The following RIMBP2 variants were observed in gnomAD, a reference collection of about 807,000 sequenced individuals.
The protein encoded by RIMBP2 is RIMS-binding protein 2.
A neutral mutation model predicts 118.6 loss-of-function variants in RIMBP2; 48 were observed. The observed-to-expected ratio is 0.40, with a 90% CI of 0.32 to 0.51. The LOEUF is 0.51. RIMBP2 is among the 20% of genes least tolerant of loss of function. RIMBP2 has a pLI of 0.41. For synonymous variants in RIMBP2, 762 were observed against 742.9 expected, an observed-to-expected ratio of 1.03 and a Z score of -0.42; for missense variants, 1,551 against 1,768.3, an observed-to-expected ratio of 0.88 and a Z score of 2.20.
chr12:130,412,321 T>C (rs1041618136), intron 19 of RIMBP2, among the ~76,000 whole-genome samples: 16 of 152,150 alleles, frequency 1.1e-4, no homozygotes, highest in African/African-American at 3.9e-4. Flanking sequence ...CAGCTAATCA[T>C]GTGTTTTCTA....
In RIMBP2 at chr12:130,478,939, C is replaced by T. The variant is rs1218041406; in HGVS notation, c.75G>A (p.Lys25=). 1 of 1,613,784 alleles carries T rather than the reference C, an allele frequency of 6.2e-7. No individual in the cohort carries two copies. Among genetic ancestry groups the T allele is most frequent in the Non-Finnish European group, 8.5e-7 (1 of 1,179,912 alleles). The change falls in exon 5 of 23, where the codon AAG becomes AAA. Residue 25 remains lysine (K), a synonymous_variant. Transcript: ENST00000690449. ...TCTGCAGAAGGTCAATTTCCTGCTGCTTGGCACTGAGAACAGCCAGGGCCT... is the reference window on the plus strand; with the variant it reads ...TCTGCAGAAGGTCAATTTCCTGCTGTTTGGCACTGAGAACAGCCAGGGCCT... ...HDQALAVLSA[K]QQEIDLLQKA...
Position 130,397,115 on chromosome 12 carries a change from A to G in RIMBP2, c.*246T>C. 1 of 295,434 alleles carries G rather than the reference A, an allele frequency of 3.4e-6. No individual in the cohort carries two copies. The highest frequency in any genetic ancestry group is 6.2e-6 in the Non-Finnish European group (1 of 161,238). 18.3% of individuals were successfully genotyped at this position (295,434 alleles called of 1,614,324 possible). A position where few individuals can be genotyped will look rare whatever the true frequency, so the allele number is the denominator to read the frequency against. ...CTATGCGCCCCCGTTTGTTAATAAG[A>G]CGTCCCCTCCCACCTCCCAAATCAG... On this transcript the variant is annotated 3_prime_UTR_variant, in exon 23 of 23. Transcript: ENST00000690449.
At chr12:130,425,003 G>A (rs1198414642) in intron 15 of RIMBP2, 145 bp from the exon 16 acceptor site, 9 of 438,424 alleles carry the variant, frequency 2.1e-5, no homozygotes, top group South Asian at 1.3e-4. Flanking sequence ...CAGGCCGGGG[G>A]CATGCCGTGG....
chr12:130,559,813 G>A (rs1282719538), intron 2 of RIMBP2, among the ~76,000 whole-genome samples: 2 of 152,174 alleles, frequency 1.3e-5, no homozygotes, highest in African/African-American at 4.8e-5. Flanking sequence ...TTAGATCCCA[G>A]ATCTAGCACT....
chr12:130,631,121 AAG>A (rs1271899899), intron 1 of RIMBP2, among the ~76,000 whole-genome samples: 2 of 152,210 alleles, frequency 1.3e-5, no homozygotes, highest in Non-Finnish European at 2.9e-5. Context: ...ATCTAGAGAA[AAG>A]AGAGACTCAA....
At chr12:130,655,259 T>A (rs994980171) in intron 1 of RIMBP2, among the ~76,000 whole-genome samples, 1 of 152,240 alleles carries the variant, frequency 6.6e-6, no homozygotes, top group African/African-American at 2.4e-5. Context: ...ATTACTTCCC[T>A]GTTTTATTTT....
At position 130,442,927 on chromosome 12, in the gene RIMBP2, G is replaced by A. The variant is rs756596786; in HGVS notation, c.692-267C>T. On this transcript the variant is annotated intron_variant, in intron 10 of 22. Transcript: ENST00000690449. This position sits in a 1 kb window ranked among gnomAD's most constrained non-coding sequence, Gnocchi z 6.9. ...CCATCATGTTTGTGTATCCGTGTAC[G>A]TACACTGACTACCCCCTCCCAACAC... Among the ~76,000 whole-genome samples, 1 of 152,078 alleles carries A rather than the reference G, an allele frequency of 6.6e-6. No homozygotes were observed. Among genetic ancestry groups the A allele is most frequent in the African/African-American group, 2.4e-5 (1 of 41,388 alleles).
At chr12:130,660,972 A>G (rs1379287748) in intron 1 of RIMBP2, among the ~76,000 whole-genome samples, 4 of 152,232 alleles carry the variant, frequency 2.6e-5, no homozygotes, top group Non-Finnish European at 4.4e-5. Flanking sequence ...TAATCCCAGC[A>G]CTTTGGGAGG....
chr12:130,403,682 G>GAA (rs35861435), intron 21 of RIMBP2, among the ~76,000 whole-genome samples: 3 of 152,060 alleles, frequency 2.0e-5, no homozygotes, highest in Non-Finnish European at 2.9e-5. Flanking sequence ...CTAAAGCATA[G>GAA]AAAAAGGTTG....
intron 1 of RIMBP2, among the ~76,000 whole-genome samples, chr12:130,714,033 G>A (rs1214703892): frequency 6.6e-6 from 1 of 152,176 alleles, no homozygotes; most frequent in African/African-American, 2.4e-5. Context: ...TCTGAGATTT[G>A]TAGCCCCTTA....
intron 2 of RIMBP2, among the ~76,000 whole-genome samples, chr12:130,521,488 AGGGG>A: frequency 6.6e-6 from 1 of 152,326 alleles, no homozygotes; most frequent in South Asian, 2.1e-4. Context: ...TCTACAGCCT[AGGGG>A]GAGGCACCAG....
chr12:130,531,831 G>A (rs2053409712), intron 2 of RIMBP2, among the ~76,000 whole-genome samples: 1 of 151,092 alleles, frequency 6.6e-6, no homozygotes, highest in Admixed American at 6.6e-5. Context: ...GATGCCTCTA[G>A]GAGTTACGTC....
chr12:130,619,243 A>G (rs1230069423), intron 2 of RIMBP2, among the ~76,000 whole-genome samples: 1 of 152,196 alleles, frequency 6.6e-6, no homozygotes, highest in Admixed American at 6.5e-5. Flanking sequence ...CCCTTCCTCA[A>G]TGAGGTCCAC....
chr12:130,426,241 A>G (rs1222218349), intron 15 of RIMBP2: 1 of 152,002 alleles, frequency 6.6e-6, no homozygotes, highest in African/African-American at 2.4e-5. Context: ...TGTAATTTCT[A>G]AAGAGAACCC....
chr12:130,416,555 C>A (rs1306963907), intron 17 of RIMBP2, among the ~76,000 whole-genome samples: 1 of 152,182 alleles, frequency 6.6e-6, no homozygotes, highest in Non-Finnish European at 1.5e-5. Flanking sequence ...CTACCTTTTA[C>A]CATATACAAA....
chr12:130,423,940 C>G (rs972691893), intron 16 of RIMBP2, among the ~76,000 whole-genome samples: 5 of 152,086 alleles, frequency 3.3e-5, no homozygotes, highest in Non-Finnish European at 7.3e-5. Context: ...AATCATTACT[C>G]TAAGCACAGT....
chr12:130,644,584 C>T (rs1393629082), intron 1 of RIMBP2, among the ~76,000 whole-genome samples: 1 of 152,206 alleles, frequency 6.6e-6, no homozygotes, highest in Non-Finnish European at 1.5e-5. Flanking sequence ...AGGTAGCACA[C>T]CTGCGTCTAA....
rs148313783 is a variant in RIMBP2, at chr12:130,642,040, C to G, written c.-351-13584G>C. ...TCACACAGTTTGTAAATAGCAGAGC[C>G]CAGAGTCAAAGCCACGTCTCTGGTG... On this transcript the variant is annotated intron_variant, in intron 1 of 22. Coordinates refer to ENST00000690449, the MANE Select transcript of RIMBP2 (RefSeq NM_001393629.1). Among the ~76,000 whole-genome samples, 731 of 152,194 alleles carry G rather than the reference C, an allele frequency of 4.8e-3. 5 individuals are homozygous for G. Among genetic ancestry groups the G allele is most frequent in the African/African-American group, 0.016 (682 of 41,490 alleles).
At position 130,511,153 on chromosome 12, in the gene RIMBP2, G is replaced by C. The variant is rs966399638; in HGVS notation, c.-126-4383C>G. 2.0e-5 allele frequency among the ~76,000 whole-genome samples: 3 copies of C among 150,812 alleles called. No homozygotes were observed. The highest frequency in any genetic ancestry group is 7.3e-5 in the African/African-American group (3 of 41,378). Reference sequence around the variant, plus strand: ...CAGAGCCCTTATCAGGAAAAGCAGAGTCAGAGACAAAAAAGAGAGAGCTTA... The same window carrying C: ...CAGAGCCCTTATCAGGAAAAGCAGACTCAGAGACAAAAAAGAGAGAGCTTA... On this transcript the variant is annotated intron_variant, in intron 3 of 22. Transcript: ENST00000690449. The surrounding 1 kb of genome is among the most constrained non-coding windows in gnomAD (Gnocchi z 4.3).
Sources: gnomAD v4.1 joint callset for allele counts (sites outside exome capture counted in the v4.1 genomes callset) on GRCh38, gnomAD v4.1.1 for gene constraint, Gnocchi (gnomAD v3.1) non-coding constraint, MANE v1.5 for transcripts, NCBI Gene and HGNC (gene_info 2026-07-23, HGNC 2026-07-21) for gene names.